MAP1B: variants seen among roughly 807,000 people sequenced by gnomAD.
MAP1B encodes microtubule-associated protein 1B.
A neutral mutation model predicts 176.1 loss-of-function variants in MAP1B; 12 were observed. The ratio of observed to expected loss-of-function variants is 0.07; its 90% CI spans 0.04 to 0.11. MAP1B has a LOEUF of 0.11. Among genes scored for constraint, MAP1B ranks in the 10% least tolerant of loss-of-function variants. The pLI is 1.00. For synonymous variants in MAP1B, 1,044 were observed against 1,135.0 expected (o/e 0.92, Z 1.61); for missense variants, 2,523 against 2,990.5 (o/e 0.84, Z 3.65).
intron 2 of MAP1B, among the ~76,000 whole-genome samples, chr5:72,176,616 ACT>A (rs1746658677): frequency 6.6e-6 from 1 of 152,098 alleles, no homozygotes; most frequent in South Asian, 2.1e-4. Context: ...CTGGTGATGG[ACT>A]CTCTGGTGAT....
intron 2 of MAP1B, among the ~76,000 whole-genome samples, chr5:72,152,399 G>C (rs1272690058): frequency 1.3e-5 from 2 of 152,100 alleles, no homozygotes; most frequent in East Asian, 3.9e-4. Context: ...GTCTGTGAAG[G>C]AAAAACTGAA....
rs1747222312 is a variant in MAP1B at position 72,197,847 on chromosome 5, G to A, written c.4492G>A (p.Gly1498Arg). 6 of 1,614,058 alleles carry A rather than the reference G, an allele frequency of 3.7e-6. No homozygotes were observed. The highest frequency in any genetic ancestry group is 5.1e-6 in the Non-Finnish European group (6 of 1,180,040). The change falls in exon 5 of 7, where the codon GGA (glycine) becomes AGA (arginine). Residue 1498 changes from glycine to arginine, a missense_variant. By Grantham distance (125) the Gly-to-Arg change is moderately radical (BLOSUM62 -2). Around this residue, in one of 4 missense-constraint regions of MAP1B, gnomAD observed 1,925 missense variants for 2,126.0 expected, o/e 0.91. Coordinates refer to ENST00000296755, the MANE Select transcript of MAP1B (RefSeq NM_005909.5). The part of the protein sequence containing the change: ...PALALDERKL[G>R]DVSPTQIDVS... ...ACTGGCTCTGGATGAAAGGAAATTAGGAGATGTTTCTCCCACACAAATAGA... is the reference window on the plus strand; with the variant it reads ...ACTGGCTCTGGATGAAAGGAAATTAAGAGATGTTTCTCCCACACAAATAGA...
At chr5:72,180,052 G>A (rs1163080608) in intron 2 of MAP1B, 3 of 423,278 alleles carry the variant, frequency 7.1e-6, no homozygotes, top group African/African-American at 2.2e-5. Context: ...GGGGAAGAGC[G>A]TGCTGTGGAG....
intron 2 of MAP1B, among the ~76,000 whole-genome samples, chr5:72,171,895 G>A (rs999741472): frequency 3.3e-5 from 5 of 152,206 alleles, no homozygotes; most frequent in African/African-American, 1.2e-4. Flanking sequence ...ATGCGTAGGT[G>A]CTGATTCTGT....
rs943574205 is a variant in MAP1B at position 72,207,566 on chromosome 5, C to T, written c.*2327C>T. The T allele has an allele frequency of 2.6e-5, 4 of 152,088 alleles. No individual in the cohort carries two copies. The highest frequency in any genetic ancestry group is 9.7e-5 in the African/African-American group (4 of 41,404). The allele number at this position is 152,088 out of a possible 1,614,324, so 9.4% of individuals were successfully genotyped here. A position where few individuals can be genotyped will look rare whatever the true frequency, so the allele number is the denominator to read the frequency against. ...ATTTATTACCCCATTTCTTTCAAGT[C>T]CTTGGAAAATAACATATTAAGGGTA... On this transcript the variant is annotated 3_prime_UTR_variant, in exon 7 of 7. Transcript: ENST00000296755.
intron 4 of MAP1B, among the ~76,000 whole-genome samples, chr5:72,189,826 T>G (rs1035710854): frequency 1.3e-5 from 2 of 152,130 alleles, no homozygotes; most frequent in Non-Finnish European, 2.9e-5. Flanking sequence ...ACAGTTGGAT[T>G]TATGAGAACA....
At chr5:72,125,271 G>C (rs1406112671) in intron 2 of MAP1B, among the ~76,000 whole-genome samples, 1 of 152,172 alleles carries the variant, frequency 6.6e-6, no homozygotes, top group African/African-American at 2.4e-5. Flanking sequence ...AGCCCCACAA[G>C]ATGCTCAAGT....
intron 2 of MAP1B, among the ~76,000 whole-genome samples, chr5:72,174,935 C>A (rs1412629495): frequency 9.6e-6 from 1 of 104,638 alleles, no homozygotes; most frequent in African/African-American, 3.8e-5. Context: ...CCCTTTCCCC[C>A]TTCCCCCTTC....
intron 2 of MAP1B, among the ~76,000 whole-genome samples, chr5:72,125,872 C>T (rs1426094881): frequency 2.7e-5 from 4 of 147,072 alleles, no homozygotes; most frequent in Non-Finnish European, 5.9e-5. Flanking sequence ...GAGTTAGAAT[C>T]GATAATTTAA....
At chr5:72,191,041 A>G (rs369959676) in intron 4 of MAP1B, among the ~76,000 whole-genome samples, 9 of 152,362 alleles carry the variant, frequency 5.9e-5, no homozygotes, top group African/African-American at 2.2e-4. Context: ...TCCTTGTTGC[A>G]TCTGTCATCC....
chr5:72,145,742 A>G (rs564470044), intron 2 of MAP1B, among the ~76,000 whole-genome samples: 1 of 152,334 alleles, frequency 6.6e-6, no homozygotes, highest in African/African-American at 2.4e-5. Context: ...GTTGTCCTAA[A>G]TCACTAGTTA....
At chr5:72,161,830 G>A (rs11954871) in intron 2 of MAP1B, among the ~76,000 whole-genome samples, 20 of 151,840 alleles carry the variant, frequency 1.3e-4, no homozygotes, top group Admixed American at 3.3e-4. Context: ...AGTAGTGGGC[G>A]TCTGTAATCC....
At chr5:72,118,261 T>G (rs1047916569) in intron 2 of MAP1B, among the ~76,000 whole-genome samples, 3 of 151,888 alleles carry the variant, frequency 2.0e-5, no homozygotes, top group African/African-American at 4.8e-5. Context: ...CCCTCCCACC[T>G]CAGCCTTCCA....
intron 2 of MAP1B, among the ~76,000 whole-genome samples, chr5:72,177,767 T>C (rs1464546738): frequency 2.6e-5 from 4 of 152,226 alleles, no homozygotes; most frequent in Admixed American, 2.6e-4. Context: ...ACCAAGCACC[T>C]TTCATTTCTT....
At chr5:72,132,286 A>AT (rs930320763) in intron 2 of MAP1B, among the ~76,000 whole-genome samples, 63 of 152,232 alleles carry the variant, frequency 4.1e-4, no homozygotes, top group African/African-American at 1.5e-3. Context: ...AGATACAAGT[A>AT]TTTTTCATTA....
At chr5:72,181,110 T>C (rs956174747) in intron 2 of MAP1B, among the ~76,000 whole-genome samples, 11 of 152,166 alleles carry the variant, frequency 7.2e-5, no homozygotes, top group African/African-American at 2.4e-4. Context: ...AACGAAGCCA[T>C]GTATGTGAAG....
chr5:72,178,816 T>C (rs1746706505), intron 2 of MAP1B, among the ~76,000 whole-genome samples: 1 of 151,622 alleles, frequency 6.6e-6, no homozygotes, highest in Non-Finnish European at 1.5e-5. Flanking sequence ...GCAAGCATCC[T>C]AGAAATTTAC....
intron 2 of MAP1B, among the ~76,000 whole-genome samples, chr5:72,171,176 T>C (rs73125446): frequency 0.045 from 6,890 of 152,096 alleles, 307 homozygotes; most frequent in African/African-American, 0.11. Context: ...CATGAGCAAA[T>C]ATGGTGGCTT....
chr5:72,161,263 C>G (rs1051378041), intron 2 of MAP1B, among the ~76,000 whole-genome samples: 1 of 152,186 alleles, frequency 6.6e-6, no homozygotes, highest in East Asian at 1.9e-4. Flanking sequence ...CTTAATCTCT[C>G]TATACCCTGG....
Sources: gnomAD v4.1 joint callset for allele counts (sites outside exome capture counted in the v4.1 genomes callset) on GRCh38, gnomAD v4.1.1 for gene constraint, gnomAD v4.1.1 regional missense constraint, MANE v1.5 for transcripts, NCBI Gene and HGNC (gene_info 2026-07-23, HGNC 2026-07-21) for gene names.